Variants in LARP4B observed in about 807,000 individuals in gnomAD.
LARP4B encodes the protein la-related protein 4B.
LARP4B carries 12 observed loss-of-function variants against 89.8 expected under a neutral mutation model. The observed-to-expected ratio is 0.13, with a 90% confidence interval of 0.09 to 0.22. The LOEUF (loss-of-function observed/expected upper bound fraction) is 0.22, where lower values mean the gene tolerates loss of function less well. Among genes scored for constraint, LARP4B ranks in the 10% least tolerant of loss-of-function variants. LARP4B has a pLI of 1.00. For missense variants in LARP4B, 757 were observed against 947.7 expected, an observed-to-expected ratio of 0.80 and a Z score of 2.64; for synonymous variants, 367 against 363.3, an observed-to-expected ratio of 1.01 and a Z score of -0.12.
the LARP4B span, among the ~76,000 whole-genome samples, chr10:975,584 A>G: frequency 6.6e-6 from 1 of 152,266 alleles, no homozygotes; most frequent in Admixed American, 6.5e-5. Context: ...TGCGTGGCGA[A>G]TCGTCTGAAT....
the LARP4B span, among the ~76,000 whole-genome samples, chr10:956,652 A>C: frequency 3.3e-5 from 5 of 152,020 alleles, no homozygotes; most frequent in Non-Finnish European, 5.9e-5. The surrounding 1 kb of genome is among the most constrained non-coding windows in gnomAD (Gnocchi z 4.3). Flanking sequence ...CGGCCCAAAA[A>C]TTCTTTAATT....
At chr10:853,573 A>G (rs182427428) in intron 5 of LARP4B, among the ~76,000 whole-genome samples, 6 of 152,340 alleles carry the variant, frequency 3.9e-5, no homozygotes, top group African/African-American at 1.2e-4. Flanking sequence ...AGTCCCAGCT[A>G]CTTGGGAGGC....
At chr10:927,756 T>C (rs182766484) in intron 1 of LARP4B, among the ~76,000 whole-genome samples, 7 of 152,370 alleles carry the variant, frequency 4.6e-5, no homozygotes, top group African/African-American at 9.6e-5. Context: ...TCAGTGTTCA[T>C]GTCTTCTCCC....
chr10:916,046 T>C (rs1251300090), intron 1 of LARP4B, among the ~76,000 whole-genome samples: 1 of 152,160 alleles, frequency 6.6e-6, no homozygotes, highest in Non-Finnish European at 1.5e-5. Flanking sequence ...GCTTAATTGG[T>C]ATGTTAAAAT....
intron 1 of LARP4B, among the ~76,000 whole-genome samples, chr10:908,415 T>C (rs1836556462): frequency 6.6e-6 from 1 of 152,208 alleles, no homozygotes; most frequent in Non-Finnish European, 1.5e-5. Context: ...TGTGTGAGTC[T>C]GTCAAGCAAA....
the LARP4B span, among the ~76,000 whole-genome samples, chr10:944,935 C>G: frequency 6.6e-6 from 1 of 152,202 alleles, no homozygotes; most frequent in African/African-American, 2.4e-5. Flanking sequence ...TAGTCTTTAA[C>G]AAATGTTAGC....
rs779414313 is a variant in LARP4B, at chr10:845,020, G to C, written c.466C>G (p.Pro156Ala). The C allele has an allele frequency of 1.2e-6, 2 of 1,610,776 alleles. No individual in the cohort carries two copies. The highest frequency in any genetic ancestry group is 1.7e-6 in the Non-Finnish European group (2 of 1,179,366). Residue 156 changes from proline (P) to alanine (A), a missense_variant, in exon 6 of 18, where the codon CCC becomes GCC. By Grantham distance (27) the Pro-to-Ala change is conservative (BLOSUM62 -1). Coordinates refer to ENST00000316157, the MANE Select transcript of LARP4B (RefSeq NM_015155.3). ...NESQPDSQED[P>A]REVLKKTLEF... Reference sequence around the variant, plus strand: ...AATGTTTTTTTAAGTACTTCTCGGGGGTCTTCCTGGCTGTCTGGTTGAGAC... The same window carrying C: ...AATGTTTTTTTAAGTACTTCTCGGGCGTCTTCCTGGCTGTCTGGTTGAGAC...
chr10:976,812 G>A, the LARP4B span, among the ~76,000 whole-genome samples: 466 of 149,870 alleles, frequency 3.1e-3, 4 homozygotes, highest in African/African-American at 0.01. Flanking sequence ...GTGTGGACCC[G>A]GCCTAGTAGA....
chr10:915,762 G>A (rs1388740280), intron 1 of LARP4B, among the ~76,000 whole-genome samples: 1 of 151,646 alleles, frequency 6.6e-6, no homozygotes, highest in African/African-American at 2.4e-5. Context: ...GAACCCAGGA[G>A]GCGGAGGTTG....
At chr10:808,460 G>A (rs1449411494), downstream of LARP4B, 3 of 152,186 alleles carry the variant, frequency 2.0e-5, no homozygotes, top group Admixed American at 2.0e-4. Flanking sequence ...AGCAACACAG[G>A]ATGACGGGTG....
intron 3 of LARP4B, chr10:873,482 T>TGGGA: frequency 1.1e-6 from 1 of 907,084 alleles, no homozygotes; most frequent in Non-Finnish European, 1.3e-6. Context: ...GATTTCAGGC[T>TGGGA]TCTGGTTTTT....
downstream of LARP4B, chr10:807,181 A>G (rs1207992030): frequency 6.6e-6 from 1 of 152,268 alleles, no homozygotes; most frequent in East Asian, 1.9e-4. Flanking sequence ...GATCAGTCCA[A>G]CGAGAAGACA....
intron 3 of LARP4B, among the ~76,000 whole-genome samples, chr10:876,956 T>G (rs1003508765): frequency 6.6e-6 from 1 of 152,176 alleles, no homozygotes; most frequent in African/African-American, 2.4e-5. Flanking sequence ...GGTTTATGAC[T>G]TGTACCTTCT....
chr10:980,085 G>C, the LARP4B span, among the ~76,000 whole-genome samples: 9 of 152,206 alleles, frequency 5.9e-5, no homozygotes, highest in African/African-American at 2.2e-4. Flanking sequence ...AAACCTAGCA[G>C]GAGTCATTAA....
chr10:946,622 C>T, the LARP4B span, among the ~76,000 whole-genome samples: 1 of 152,194 alleles, frequency 6.6e-6, no homozygotes, highest in Non-Finnish European at 1.5e-5. Context: ...GGACCCCTCT[C>T]TCTCTCTAAA....
chr10:817,987 C>T, intron 14 of LARP4B, 98 bp from the exon 15 acceptor site: 1 of 1,231,900 alleles, frequency 8.1e-7, no homozygotes, highest in Non-Finnish European at 1.1e-6. Context: ...TAGAAACAAG[C>T]AGATCATTCA....
intron 11 of LARP4B, among the ~76,000 whole-genome samples, chr10:827,437 A>T (rs1289876032): frequency 3.9e-5 from 6 of 152,200 alleles, no homozygotes; most frequent in Non-Finnish European, 8.8e-5. Context: ...AAAAAATAAA[A>T]TTGGTCATAT....
intron 5 of LARP4B, among the ~76,000 whole-genome samples, chr10:848,532 T>A (rs1833887471): frequency 6.6e-6 from 1 of 151,144 alleles, no homozygotes; most frequent in Non-Finnish European, 1.5e-5. Context: ...GTATTCCATA[T>A]GTTCACGAAG....
At chr10:874,620 T>C (rs1250448054) in intron 3 of LARP4B, among the ~76,000 whole-genome samples, 3 of 152,264 alleles carry the variant, frequency 2.0e-5, no homozygotes, top group Admixed American at 1.3e-4. Flanking sequence ...TTTCTTATTA[T>C]GGTTCTGACA....
Sources: gnomAD v4.1 joint callset for allele counts (sites outside exome capture counted in the v4.1 genomes callset) on GRCh38, gnomAD v4.1.1 for gene constraint, Gnocchi (gnomAD v3.1) non-coding constraint, MANE v1.5 for transcripts, NCBI Gene and HGNC (gene_info 2026-07-23, HGNC 2026-07-21) for gene names.